Variants in RAD54B observed in about 807,000 individuals in gnomAD.
RAD54B encodes RAD54 homolog B.
In RAD54B, 78 loss-of-function variants were observed where a neutral mutation model predicts 95.8. The ratio of observed to expected loss-of-function variants is 0.81; its 90% CI spans 0.68 to 0.98. RAD54B has a LOEUF of 0.98. Ranked by LOEUF, RAD54B falls within the 50% of genes least tolerant of loss-of-function variation. The probability of loss-of-function intolerance (pLI) is 0.00; values close to 1 mark genes in which losing one functional copy is unlikely to be tolerated. For synonymous variants in RAD54B, 328 were observed against 354.9 expected (o/e 0.92, Z 0.85); for missense variants, 957 against 1,056.6 (o/e 0.91, Z 1.31).
intron 9 of RAD54B, 40 bp downstream of exon 9, chr8:94,393,703 T>C (rs745538464): frequency 6.7e-7 from 1 of 1,499,022 alleles, no homozygotes; most frequent in Admixed American, 2.0e-5. Context: ...TCCTCAGACA[T>C]ACGGCTTTTT....
chr8:94,380,542 A>G (rs1219763360), intron 11 of RAD54B, 136 bp from the exon 12 acceptor site: 12 of 926,648 alleles, frequency 1.3e-5, no homozygotes, highest in African/African-American at 5.0e-5. Context: ...CAATTAAAAC[A>G]TAGGTATTCC....
intron 3 of RAD54B, among the ~76,000 whole-genome samples, chr8:94,417,667 A>AAAG (rs140151434): frequency 6.6e-6 from 1 of 152,118 alleles, no homozygotes; most frequent in Non-Finnish European, 1.5e-5. Flanking sequence ...CACCAAAATA[A>AAAG]AAGAAGAAGA....
intron 6 of RAD54B, among the ~76,000 whole-genome samples, chr8:94,402,274 G>A (rs1413072864): frequency 6.8e-6 from 1 of 147,606 alleles, no homozygotes; most frequent in Non-Finnish European, 1.5e-5. Flanking sequence ...TTCCTCTCCA[G>A]ACGGAGTCTT....
At chr8:94,373,769 T>C (rs1810497752) in intron 14 of RAD54B, among the ~76,000 whole-genome samples, 1 of 152,146 alleles carries the variant, frequency 6.6e-6, no homozygotes, top group African/African-American at 2.4e-5. Context: ...AGGAAGCTAT[T>C]GGAGGTTTTA....
chr8:94,378,930 G>C (rs140580193), intron 12 of RAD54B, among the ~76,000 whole-genome samples: 409 of 152,302 alleles, frequency 2.7e-3, no homozygotes, highest in African/African-American at 9.4e-3. Flanking sequence ...AGAATGGAAA[G>C]AACCAAGTGT....
chr8:94,465,258 G>A (rs1812996057), intron 2 of RAD54B, among the ~76,000 whole-genome samples: 1 of 151,962 alleles, frequency 6.6e-6, no homozygotes, highest in Admixed American at 6.6e-5. Flanking sequence ...AGAAATATAG[G>A]ATAAAACAAA....
In RAD54B at chr8:94,407,630, A is replaced by C; in HGVS notation, c.590T>G (p.Ile197Ser). 6.2e-7 allele frequency: 1 copy of C among 1,613,976 alleles called. No homozygotes were observed. Among genetic ancestry groups the C allele is most frequent in the Non-Finnish European group, 8.5e-7 (1 of 1,179,928 alleles). ...CGKEIEVMGVISPDDFSSGRC... is the reference protein window; with the variant it reads ...CGKEIEVMGVSSPDDFSSGRC... ...GCCACTGCTGAAGTCATCTGGAGAG[A>C]TTACACCCATGACTTCTATTTCTTT... is the stretch of plus-strand genomic sequence containing the variant. The change falls in exon 5 of 15, where the codon ATC becomes AGC. Residue 197 changes from isoleucine to serine, a missense_variant. Physicochemically the swap from Ile to Ser is moderately radical, Grantham distance 142 (BLOSUM62 -2). Coordinates refer to ENST00000336148, the MANE Select transcript of RAD54B (RefSeq NM_012415.3).
chr8:94,383,497 A>G (rs1810792599), intron 11 of RAD54B, among the ~76,000 whole-genome samples: 1 of 152,178 alleles, frequency 6.6e-6, no homozygotes, highest in Admixed American at 6.5e-5. Context: ...TATTACACAC[A>G]GTAAGGTATT....
intron 3 of RAD54B, among the ~76,000 whole-genome samples, chr8:94,441,880 G>A (rs1314067167): frequency 6.6e-6 from 1 of 152,078 alleles, no homozygotes; most frequent in Non-Finnish European, 1.5e-5. Flanking sequence ...AGGGAAACGG[G>A]GTCAAAGGCC....
chr8:94,459,191 C>A (rs1403211904), intron 2 of RAD54B, among the ~76,000 whole-genome samples: 1 of 151,930 alleles, frequency 6.6e-6, no homozygotes, highest in South Asian at 2.1e-4. Context: ...CGGTCTGGTA[C>A]CCAGGCTGAA....
At chr8:94,386,838 A>T (rs1330377957) in intron 11 of RAD54B, 146 bp downstream of exon 11, 2 of 533,184 alleles carry the variant, frequency 3.8e-6, no homozygotes, top group Non-Finnish European at 3.0e-6. Flanking sequence ...TTACAAGTTT[A>T]TGAAATACTA....
At chr8:94,375,884 T>C (rs1041074855) in intron 14 of RAD54B, among the ~76,000 whole-genome samples, 1 of 152,114 alleles carries the variant, frequency 6.6e-6, no homozygotes, top group Non-Finnish European at 1.5e-5. Context: ...TCTTTTGATG[T>C]AGAAGGCTAG....
chr8:94,436,272 A>G (rs1812256910), intron 3 of RAD54B, among the ~76,000 whole-genome samples: 3 of 152,198 alleles, frequency 2.0e-5, no homozygotes. Context: ...TTTAGAAACT[A>G]CAGGAGGGAA....
At chr8:94,449,191 C>A (rs966100621) in intron 3 of RAD54B, among the ~76,000 whole-genome samples, 2 of 151,192 alleles carry the variant, frequency 1.3e-5, no homozygotes, top group African/African-American at 4.9e-5. Flanking sequence ...CCTTCCCCCC[C>A]GCCCCCCACC....
intron 3 of RAD54B, among the ~76,000 whole-genome samples, chr8:94,438,046 A>G (rs1280258406): frequency 6.6e-6 from 1 of 152,194 alleles, no homozygotes; most frequent in Non-Finnish European, 1.5e-5. Context: ...GGAAAAATAA[A>G]TTGTTTTTAA....
chr8:94,418,189 A>C (rs900682415), intron 3 of RAD54B, among the ~76,000 whole-genome samples: 5 of 152,102 alleles, frequency 3.3e-5, no homozygotes, highest in African/African-American at 1.2e-4. Context: ...ATTTCTACAT[A>C]TTATTAGTCC....
chr8:94,425,867 T>A (rs922004039), intron 3 of RAD54B, among the ~76,000 whole-genome samples: 1 of 151,762 alleles, frequency 6.6e-6, no homozygotes, highest in South Asian at 2.1e-4. Context: ...CTAAATTACC[T>A]GTCCAACATT....
intron 3 of RAD54B, chr8:94,431,597 G>C: frequency 1.1e-6 from 1 of 917,796 alleles, no homozygotes; most frequent in Non-Finnish European, 1.3e-6. Context: ...CCCTGGACCT[G>C]TTTCATTACC....
chr8:94,436,636 T>C (rs905967203), intron 3 of RAD54B: 2 of 1,550,450 alleles, frequency 1.3e-6, no homozygotes, highest in African/African-American at 2.7e-5. Flanking sequence ...CTGTTTGGCA[T>C]ATTCTTTGAG....
Sources: gnomAD v4.1 joint callset for allele counts (sites outside exome capture counted in the v4.1 genomes callset) on GRCh38, gnomAD v4.1.1 for gene constraint, MANE v1.5 for transcripts, NCBI Gene and HGNC (gene_info 2026-07-23, HGNC 2026-07-21) for gene names.